The following UHRF2 variants were observed in gnomAD, a reference collection of about 807,000 sequenced individuals.
UHRF2 encodes E3 ubiquitin-protein ligase UHRF2.
UHRF2 carries 23 observed loss-of-function variants against 96.8 expected under a neutral mutation model. That is an observed-to-expected ratio of 0.24 (90% CI 0.17 to 0.34). The LOEUF (loss-of-function observed/expected upper bound fraction) is 0.34, where lower values mean the gene tolerates loss of function less well. Among genes scored for constraint, UHRF2 ranks in the 10% least tolerant of loss-of-function variants. The pLI, the probability that UHRF2 is intolerant of heterozygous loss-of-function variation, is 1.00. For synonymous variants in UHRF2, 385 were observed against 332.6 expected, an observed-to-expected ratio of 1.16 and a Z score of -1.72; for missense variants, 685 against 981.5, an observed-to-expected ratio of 0.70 and a Z score of 4.04.
chr9:6,441,807 A>G (rs537178641), intron 3 of UHRF2, among the ~76,000 whole-genome samples: 2 of 151,850 alleles, frequency 1.3e-5, no homozygotes, highest in African/African-American at 4.8e-5. Flanking sequence ...ATTATATTTC[A>G]TTCAAGCTAA....
intron 3 of UHRF2, among the ~76,000 whole-genome samples, chr9:6,458,877 C>T (rs1328275538): frequency 6.6e-6 from 1 of 152,192 alleles, no homozygotes. Context: ...CCATGGAATA[C>T]TATGCAGCCA....
chr9:6,472,117 T>C (rs1293027733), intron 4 of UHRF2, among the ~76,000 whole-genome samples: 2 of 152,196 alleles, frequency 1.3e-5, no homozygotes, highest in Non-Finnish European at 2.9e-5. Flanking sequence ...AAAAGTTCCC[T>C]TGGGTCCCAT....
At chr9:6,504,980 A>G (rs145759412) in intron 15 of UHRF2, among the ~76,000 whole-genome samples, 310 of 152,312 alleles carry the variant, frequency 2.0e-3, no homozygotes, top group African/African-American at 6.8e-3. Flanking sequence ...AATAGCTTAT[A>G]TGTTTTATAT....
intron 3 of UHRF2, among the ~76,000 whole-genome samples, chr9:6,443,297 A>G (rs546655909): frequency 1.9e-4 from 29 of 152,320 alleles, no homozygotes; most frequent in African/African-American, 7.0e-4. Context: ...GTATACAGAT[A>G]CTTTACCTGG....
intron 3 of UHRF2, among the ~76,000 whole-genome samples, chr9:6,444,605 CT>C (rs543128843): frequency 1.9e-4 from 28 of 150,810 alleles, no homozygotes; most frequent in Non-Finnish European, 1.6e-4. Context: ...TAAGAATCCG[CT>C]TTTTTTTTGG....
chr9:6,477,722 G>A lies in UHRF2; in HGVS notation c.1074G>A (p.Met358Ile), dbSNP rs1480863456. The A allele has an allele frequency of 1.2e-5, 19 of 1,614,030 alleles. No homozygotes were observed. Among genetic ancestry groups the A allele is most frequent in the Non-Finnish European group, 1.5e-5 (18 of 1,179,930 alleles). ...GTGGTGGGAAACATGAACCCAACAT[G>A]CAGCTTCTGTGTGATGAATGTAATG... ...RVCGGKHEPN[M>I]QLLCDECNVA... The change falls in exon 6 of 16, where the codon ATG becomes ATA. Residue 358 changes from methionine to isoleucine, a missense_variant. By Grantham distance (10) the Met-to-Ile change is conservative (BLOSUM62 1). Around this residue, in one of 6 missense-constraint regions of UHRF2, gnomAD observed 391 missense variants for 437.0 expected, o/e 0.89. Transcript: ENST00000276893.
At chr9:6,482,779 G>A (rs1824000504) in intron 8 of UHRF2, among the ~76,000 whole-genome samples, 1 of 152,064 alleles carries the variant, frequency 6.6e-6, no homozygotes, top group South Asian at 2.1e-4. Context: ...TGTATTTGTA[G>A]TAGAGACGAG....
Position 6,454,019 on chromosome 9 carries a change from T to A in UHRF2, c.645-6554T>A, listed in dbSNP as rs538850657. On this transcript the variant is annotated intron_variant, in intron 3 of 15. Transcript: ENST00000276893. ...TTCTGCATAATAAAAAAATACTAAT[T>A]GACATTTACTTTACCCCCATTATGT... 5.6e-5 allele frequency among the ~76,000 whole-genome samples: 8 copies of A among 142,594 alleles called. No homozygotes were observed. The East Asian group carries it at 1.7e-3, about 30-fold the overall frequency. The allele number at this position is 142,594 out of a possible 152,430, so 93.5% of individuals were successfully genotyped here.
chr9:6,432,021 T>G (rs1820585828), intron 2 of UHRF2, among the ~76,000 whole-genome samples: 1 of 152,240 alleles, frequency 6.6e-6, no homozygotes, highest in South Asian at 2.1e-4. Context: ...ATTTTCATTT[T>G]TACTGTGTTG....
At chr9:6,429,583 G>A (rs912861389) in intron 2 of UHRF2, among the ~76,000 whole-genome samples, 12 of 152,064 alleles carry the variant, frequency 7.9e-5, no homozygotes, top group African/African-American at 2.7e-4. Flanking sequence ...CACCTGCCTC[G>A]GCCTCCCGAA....
chr9:6,492,498 T>A, intron 9 of UHRF2: 1 of 361,504 alleles, frequency 2.8e-6, no homozygotes, highest in Non-Finnish European at 3.9e-6. Context: ...AATATTGGAT[T>A]AACAAAAGGT....
intron 4 of UHRF2, among the ~76,000 whole-genome samples, chr9:6,470,437 ATAT>A (rs894786851): frequency 3.0e-4 from 46 of 152,146 alleles, no homozygotes; most frequent in African/African-American, 8.7e-4. Context: ...CAAAATAAAA[ATAT>A]TATCAAATAA....
chr9:6,470,358 C>T (rs1485254617), intron 4 of UHRF2, among the ~76,000 whole-genome samples: 1 of 94,610 alleles, frequency 1.1e-5, no homozygotes. Context: ...GACTCCATCT[C>T]AAAAAAAAAA....
At chr9:6,438,533 A>G (rs534960814) in intron 3 of UHRF2, among the ~76,000 whole-genome samples, 1 of 152,198 alleles carries the variant, frequency 6.6e-6, no homozygotes, top group Non-Finnish European at 1.5e-5. Flanking sequence ...TAGAGTGATA[A>G]GCATTATTTG....
intron 3 of UHRF2, among the ~76,000 whole-genome samples, chr9:6,450,280 CTCTA>C (rs1194726232): frequency 1.3e-5 from 2 of 150,072 alleles, no homozygotes; most frequent in Middle Eastern, 3.4e-3. Flanking sequence ...GTTGGTAAGT[CTCTA>C]TCTACAGATT....
chr9:6,499,696 C>G (rs1825163994), intron 12 of UHRF2, 139 bp from the exon 13 acceptor site: 1 of 493,198 alleles, frequency 2.0e-6, no homozygotes, highest in Admixed American at 3.6e-5. Flanking sequence ...CTTTAAATGT[C>G]TGTTTCTTTT....
At chr9:6,436,819 C>T (rs1587789712) in intron 3 of UHRF2, among the ~76,000 whole-genome samples, 2 of 152,106 alleles carry the variant, frequency 1.3e-5, no homozygotes, top group South Asian at 4.1e-4. Context: ...CTAAATCCAA[C>T]ATGTGTGAAA....
intron 1 of UHRF2, chr9:6,415,553 G>C (rs531050525): frequency 5.8e-4 from 88 of 152,322 alleles, no homozygotes; most frequent in African/African-American, 2.0e-3. Flanking sequence ...GCATCACAGA[G>C]AGTCCCCGTC....
At chr9:6,439,333 G>A (rs894378867) in intron 3 of UHRF2, among the ~76,000 whole-genome samples, 14 of 152,214 alleles carry the variant, frequency 9.2e-5, no homozygotes, top group Middle Eastern at 3.4e-3. Context: ...GCACCACCAC[G>A]CCCGGCTAAT....
Sources: allele counts gnomAD v4.1 joint callset (sites outside exome capture counted in the v4.1 genomes callset), GRCh38; gene constraint gnomAD v4.1.1; regional missense constraint gnomAD v4.1.1; transcripts MANE v1.5; gene names NCBI Gene and HGNC (gene_info 2026-07-23, HGNC 2026-07-21).